Variants in MMP15 observed in about 807,000 individuals in gnomAD.
The protein encoded by MMP15 is matrix metallopeptidase 15.
Under a neutral mutation model 65.0 loss-of-function variants are expected in MMP15, and 36 were observed. That is an observed-to-expected ratio of 0.55 (90% CI 0.42 to 0.73). MMP15 has a LOEUF of 0.73. Among genes scored for constraint, MMP15 ranks in the 30% least tolerant of loss-of-function variants. The pLI, the probability that MMP15 is intolerant of heterozygous loss-of-function variation, is 0.00. For synonymous variants in MMP15, 428 were observed against 410.2 expected (o/e 1.04, Z -0.52); for missense variants, 870 against 987.8 (o/e 0.88, Z 1.60).
chr16:58,034,177 G>C (rs1959286528), intron 1 of MMP15, among the ~76,000 whole-genome samples: 1 of 152,260 alleles, frequency 6.6e-6, no homozygotes, highest in African/African-American at 2.4e-5. Context: ...GTGACAGGAA[G>C]AGATTCCTTG....
At position 58,026,213 on chromosome 16, in the gene MMP15, A is replaced by T; in HGVS notation, c.-138A>T. On this transcript the variant is annotated 5_prime_UTR_variant, in exon 1 of 10. Transcript: ENST00000219271. ...GCTTGGGAATTTGCCGAGGCGACCT[A>T]GGCGGCTCCGGCGGGGACCGGGAGC... The T allele has an allele frequency of 1.0e-6, 1 of 978,050 alleles. No homozygotes were observed. Among genetic ancestry groups the T allele is most frequent in the Non-Finnish European group, 1.3e-6 (1 of 756,712 alleles). 60.6% of individuals were successfully genotyped at this position (978,050 alleles called of 1,614,324 possible).
Position 58,043,349 on chromosome 16 carries a change from C to T in MMP15, c.1443C>T (p.Phe481=). ...WWEPTGHTFF[F]QEDRYWRFNE... The stretch of plus-strand genomic sequence containing the variant: ...AGCCCACAGGCCACACCTTCTTCTT[C>T]CAAGAGGACAGGTGAGCAGTGCGTC... The change falls in exon 8 of 10, where the codon TTC becomes TTT. Residue 481 remains phenylalanine (F), a synonymous_variant. Transcript: ENST00000219271. 1.2e-6 allele frequency: 2 copies of T among 1,605,472 alleles called. No individual in the cohort carries two copies. The highest frequency in any genetic ancestry group is 1.7e-6 in the Non-Finnish European group (2 of 1,175,008).
rs1370373172 is a variant in MMP15 at position 58,026,105 on chromosome 16, C to T, written c.-246C>T. 5 of 380,216 alleles carry T rather than the reference C, an allele frequency of 1.3e-5. No individual in the cohort carries two copies. Among genetic ancestry groups the T allele is most frequent in the African/African-American group, 8.4e-5 (4 of 47,856 alleles). 23.6% of individuals were successfully genotyped at this position (380,216 alleles called of 1,614,324 possible). On this transcript the variant is annotated 5_prime_UTR_variant, in exon 1 of 10. Transcript: ENST00000219271. ...GCGCTGGGCGCCGAGGCTGCGGAAC[C>T]TCGCCGGGGGCAGCTCCGGTCGGCC... is the stretch of plus-strand genomic sequence containing the variant.
chr16:58,027,807 C>A (rs1396193126), intron 1 of MMP15, among the ~76,000 whole-genome samples: 3 of 152,162 alleles, frequency 2.0e-5, no homozygotes, highest in Non-Finnish European at 4.4e-5. Flanking sequence ...GAAGGAGGAG[C>A]CAGGCCCTGG....
rs372525757 is a variant in MMP15, at chr16:58,038,432, C to T, written c.440+38C>T. Reference sequence around the variant, plus strand: ...GCTGCCCAGGGAAGCATCTGCCCCTCGGCAGGCCGAGCCTCAGACCTCCTT... The same window carrying T: ...GCTGCCCAGGGAAGCATCTGCCCCTTGGCAGGCCGAGCCTCAGACCTCCTT... On this transcript the variant is annotated intron_variant, in intron 3 of 9. Transcript: ENST00000219271. The T allele has an allele frequency of 1.4e-4, 232 of 1,610,818 alleles. 1 individual carries two copies. In the South Asian group the frequency reaches 2.0e-3, roughly 14 times the overall value.
chr16:58,026,989 T>G (rs1056727434), intron 1 of MMP15, among the ~76,000 whole-genome samples: 2 of 152,180 alleles, frequency 1.3e-5, no homozygotes, highest in Non-Finnish European at 2.9e-5. Context: ...CCTGCCCAGG[T>G]GGCCTCCCGT....
intron 4 of MMP15, 102 bp downstream of exon 4, chr16:58,040,284 G>T (rs1959425008): frequency 8.0e-7 from 1 of 1,253,800 alleles, no homozygotes; most frequent in Non-Finnish European, 1.1e-6. Flanking sequence ...TGGGAGGAGA[G>T]AGTTCCCCTG....
chr16:58,026,166 T>G lies in MMP15; in HGVS notation c.-185T>G. On this transcript the variant is annotated 5_prime_UTR_variant, in exon 1 of 10. Coordinates refer to ENST00000219271, the MANE Select transcript of MMP15 (RefSeq NM_002428.4). ...CCGGCTGGTTCCGAGCTCCCGGACC[T>G]GCCCTGCCCGCTTCTCCTCGGGCTT... 1.8e-6 allele frequency: 1 copy of G among 566,502 alleles called. No individual in the cohort carries two copies. Among genetic ancestry groups the G allele is most frequent in the East Asian group, 3.6e-5 (1 of 27,934 alleles). 35.1% of individuals were successfully genotyped at this position (566,502 alleles called of 1,614,324 possible).
In MMP15 at chr16:58,038,362, G is replaced by A. The variant is rs1325315978; in HGVS notation, c.408G>A (p.Gly136=). ...GTCGGAAGCGCTACGCCCTCACCGG[G>A]AGGAAGTGGAACAACCACCATCTGA... ...RRRRKRYALT[G]RKWNNHHLTF... is the part of the protein sequence containing the mutation. Residue 136 remains glycine, a synonymous_variant, in exon 3 of 10, where the codon GGG becomes GGA. Coordinates refer to ENST00000219271, the MANE Select transcript of MMP15 (RefSeq NM_002428.4). 1.1e-5 allele frequency: 18 copies of A among 1,614,098 alleles called. No individual in the cohort carries two copies. The highest frequency in any genetic ancestry group is 1.6e-4 in the Middle Eastern group (1 of 6,062).
chr16:58,040,088 TCTGGCCCACGCCTATTTCC>T lies in MMP15; in HGVS notation c.662_680del (p.His221ProfsTer3). 6.2e-7 allele frequency: 1 copy of T among 1,614,078 alleles called. No homozygotes were observed. Among genetic ancestry groups the T allele is most frequent in the Non-Finnish European group, 8.5e-7 (1 of 1,180,042 alleles). ...CGCCGTTTGATGGCACCGGTGGCTTTCTGGCCCACGCCTATTTCCCTGGCCCCGGCCTAGGCGGGGACAC... is the reference window on the plus strand; with the variant it reads ...CGCCGTTTGATGGCACCGGTGGCTTTCTGGCCCCGGCCTAGGCGGGGACAC... On this transcript the variant is annotated frameshift_variant, in exon 4 of 10. Transcript: ENST00000219271. LOFTEE classifies it high-confidence loss of function.
intron 1 of MMP15, among the ~76,000 whole-genome samples, chr16:58,027,946 C>G (rs1174267360): frequency 1.3e-5 from 2 of 152,018 alleles, no homozygotes; most frequent in East Asian, 3.9e-4. Flanking sequence ...GACCCAAGTA[C>G]TGGGCGGAGA....
intron 1 of MMP15, among the ~76,000 whole-genome samples, chr16:58,030,285 T>C (rs1395748651): frequency 1.3e-5 from 2 of 152,004 alleles, no homozygotes; most frequent in African/African-American, 4.8e-5. Context: ...GGCTGAATGC[T>C]CCAGACCTGA....
At chr16:58,028,413 G>A (rs1305548125) in intron 1 of MMP15, among the ~76,000 whole-genome samples, 1 of 152,204 alleles carries the variant, frequency 6.6e-6, no homozygotes, top group Non-Finnish European at 1.5e-5. Flanking sequence ...TGCAGATAGA[G>A]GGCTAGAGAC....
intron 6 of MMP15, 92 bp from the exon 7 acceptor site, chr16:58,042,139 A>G: frequency 6.7e-7 from 1 of 1,497,178 alleles, no homozygotes. Flanking sequence ...CCTTGGGCCC[A>G]CCCTCACCTG....
chr16:58,037,262 A>G (rs1034304909), intron 1 of MMP15, among the ~76,000 whole-genome samples: 1 of 152,238 alleles, frequency 6.6e-6, no homozygotes, highest in African/African-American at 2.4e-5. Context: ...AGGATTGACC[A>G]GACCTGACCT....
Position 58,037,529 on chromosome 16 carries a change from C to T in MMP15, c.220C>T (p.Arg74Cys), listed in dbSNP as rs772809683. 1.1e-5 allele frequency: 18 copies of T among 1,614,184 alleles called. No homozygotes were observed. Among genetic ancestry groups the T allele is most frequent in the East Asian group, 8.9e-5 (4 of 44,876 alleles). Residue 74 changes from arginine (R) to cysteine (C), a missense_variant, in exon 2 of 10, where the codon CGT becomes TGT. Coordinates refer to ENST00000219271, the MANE Select transcript of MMP15 (RefSeq NM_002428.4). Reference sequence around the variant, plus strand: ...GCCCAGCCGCCATATGTCCACCATGCGTTCCGCCCAGATCTTGGCCTCGGC... The same window carrying T: ...GCCCAGCCGCCATATGTCCACCATGTGTTCCGCCCAGATCTTGGCCTCGGC... ...PQPSRHMSTM[R>C]SAQILASALA...
intron 5 of MMP15, chr16:58,040,963 C>G: frequency 1.8e-6 from 1 of 559,242 alleles, no homozygotes; most frequent in Non-Finnish European, 3.2e-6. Context: ...TGACCCTCCT[C>G]TCCTCCTCAC....
At chr16:58,026,992 C>A (rs554640622) in intron 1 of MMP15, among the ~76,000 whole-genome samples, 1 of 152,356 alleles carries the variant, frequency 6.6e-6, no homozygotes, top group South Asian at 2.1e-4. Context: ...GCCCAGGTGG[C>A]CTCCCGTCTG....
intron 1 of MMP15, among the ~76,000 whole-genome samples, chr16:58,028,858 G>A (rs550592154): frequency 2.2e-4 from 34 of 152,334 alleles, no homozygotes; most frequent in Admixed American, 4.6e-4. Flanking sequence ...GAGCTGCCAC[G>A]TCCTATCCCA....
Sources: gnomAD v4.1 joint callset for allele counts (sites outside exome capture counted in the v4.1 genomes callset) on GRCh38, gnomAD v4.1.1 for gene constraint, MANE v1.5 for transcripts, NCBI Gene and HGNC (gene_info 2026-07-23, HGNC 2026-07-21) for gene names.